CASK: variants seen among roughly 807,000 people sequenced by gnomAD.
CASK encodes the protein calcium/calmodulin dependent serine protein kinase.
Under a neutral mutation model 82.9 loss-of-function variants are expected in CASK, and 4 were observed. The observed-to-expected ratio is 0.05, with a 90% CI of 0.02 to 0.11. The LOEUF (loss-of-function observed/expected upper bound fraction) is 0.11. Ranked by LOEUF, CASK falls within the 10% of genes least tolerant of loss-of-function variation. The pLI, the probability that CASK is intolerant of heterozygous loss-of-function variation, is 1.00. For synonymous variants in CASK, 259 were observed against 253.5 expected (o/e 1.02, Z -0.20); for missense variants, 358 against 720.9 (o/e 0.50, Z 5.76).
intron 2 of CASK, among the ~76,000 whole-genome samples, chrX:41,852,729 T>C (rs758921846): frequency 9.0e-6 from 1 of 110,874 alleles, no homozygotes; most frequent in African/African-American, 3.3e-5. Flanking sequence ...GTGATGCATT[T>C]TGAGGTAACT....
Position 41,717,063 on chromosome X carries a change from C to T in CASK, c.429+22321G>A, listed in dbSNP as rs1236003726. ...CCTCCTGCCATAACAGCTCTTACCC[C>T]CAAAACTGCCCTTCCCGCCAGTGTA... On this transcript the variant is annotated intron_variant, in intron 5 of 26. Coordinates refer to ENST00000378163, the MANE Select transcript of CASK (RefSeq NM_001367721.1). Among the ~76,000 whole-genome samples, 11 of 110,250 alleles carry T rather than the reference C, an allele frequency of 1.0e-4. No homozygotes were observed. In the East Asian group the frequency reaches 2.3e-3, roughly 23 times the overall value.
In CASK at chrX:41,531,045, C is replaced by T. The variant is rs192044507; in HGVS notation, c.2482G>A (p.Glu828Lys). Residue 828 changes from glutamate to lysine, a missense_variant, in exon 25 of 27, where the codon GAG (glutamate) becomes AAG (lysine). Transcript: ENST00000378163. ...TCCAGTATTGCAATCAGCCCCTGCT[C>T]GTGGATCTTCCGGATGGTCTCCAGT... ...TKLETIRKIH[E>K]QGLIAILDVE... 4 of 1,211,752 alleles carry T rather than the reference C, an allele frequency of 3.3e-6. No homozygotes were observed. The highest frequency in any genetic ancestry group is 1.8e-5 in the South Asian group (1 of 57,002).
In CASK at chrX:41,561,703, T is replaced by C; in HGVS notation, c.1583-59A>G. The C allele has an allele frequency of 4.8e-6, 4 of 827,790 alleles. No homozygotes were observed. The East Asian group carries it at 1.3e-4, about 27-fold the overall frequency. 68.2% of individuals were successfully genotyped at this position (827,790 alleles called of 1,213,427 possible). A position where few individuals can be genotyped will look rare whatever the true frequency, so the allele number is the denominator to read the frequency against. On this transcript the variant is annotated intron_variant, in intron 16 of 26. Coordinates refer to ENST00000378163, the MANE Select transcript of CASK (RefSeq NM_001367721.1). ...GATATATGCTTTCATAGTAACAAAA[T>C]CCAGAGGCATCAATGTAATTTTTAA... is the stretch of plus-strand genomic sequence containing the variant.
intron 8 of CASK, among the ~76,000 whole-genome samples, chrX:41,648,640 C>T (rs183102251): frequency 1.6e-4 from 18 of 111,471 alleles, no homozygotes; most frequent in South Asian, 7.6e-4. Flanking sequence ...TGCCGGCCGA[C>T]GCTTAAGAAA....
chrX:41,899,870 A>G (rs2072336742), intron 1 of CASK, among the ~76,000 whole-genome samples: 1 of 111,212 alleles, frequency 9.0e-6, no homozygotes, highest in Middle Eastern at 4.2e-3. Flanking sequence ...TTACACTTTC[A>G]TATGTTTTCG....
intron 1 of CASK, among the ~76,000 whole-genome samples, chrX:41,854,380 A>G (rs1051674383): frequency 1.8e-5 from 2 of 112,254 alleles, no homozygotes; most frequent in Non-Finnish European, 3.8e-5. Context: ...AGAATGCAAT[A>G]GCAATGTGAT....
intron 5 of CASK, among the ~76,000 whole-genome samples, chrX:41,719,588 A>C (rs2068125911): frequency 8.9e-6 from 1 of 112,154 alleles, no homozygotes; most frequent in African/African-American, 3.2e-5. Context: ...TACTTCCTGC[A>C]GAAAGGGTAC....
At chrX:41,595,542 C>T (rs780931097) in intron 12 of CASK, among the ~76,000 whole-genome samples, 14 of 111,806 alleles carry the variant, frequency 1.3e-4, no homozygotes, top group Non-Finnish European at 2.4e-4. Flanking sequence ...GATGAGTGAG[C>T]TGTGATTGTG....
At chrX:41,638,829 G>C (rs2066600695) in intron 8 of CASK, among the ~76,000 whole-genome samples, 1 of 110,950 alleles carries the variant, frequency 9.0e-6, no homozygotes, top group Non-Finnish European at 1.9e-5. Context: ...AGCCAGTGGA[G>C]GGTCTTGAGC....
At chrX:41,852,515 A>C (rs919211092) in intron 2 of CASK, among the ~76,000 whole-genome samples, 2 of 111,755 alleles carry the variant, frequency 1.8e-5, no homozygotes, top group Non-Finnish European at 3.8e-5. Context: ...AAACAAAATA[A>C]AACTTTAAAA....
chrX:41,716,730 G>A (rs972353754), intron 5 of CASK, among the ~76,000 whole-genome samples: 6 of 111,541 alleles, frequency 5.4e-5, no homozygotes, highest in Admixed American at 9.5e-5. Flanking sequence ...ACTCCTAAGG[G>A]GTGGCTTGTG....
At chrX:41,780,508 C>T (rs751240012) in intron 3 of CASK, among the ~76,000 whole-genome samples, 5 of 111,559 alleles carry the variant, frequency 4.5e-5, no homozygotes, top group Admixed American at 9.5e-5. Flanking sequence ...AGTTTTATAC[C>T]GGATTTTCTA....
At chrX:41,910,025 C>T (rs2072535820) in intron 1 of CASK, among the ~76,000 whole-genome samples, 1 of 111,700 alleles carries the variant, frequency 9.0e-6, no homozygotes, top group South Asian at 3.7e-4. Context: ...AGTTTGAGAT[C>T]AGCCTGGCCA....
intron 5 of CASK, among the ~76,000 whole-genome samples, chrX:41,679,845 C>T (rs1294138737): frequency 8.9e-6 from 1 of 111,796 alleles, no homozygotes; most frequent in Non-Finnish European, 1.9e-5. Context: ...ATGTCCATTT[C>T]TTGCCCCAGA....
intron 8 of CASK, among the ~76,000 whole-genome samples, chrX:41,657,674 C>T (rs1260506531): frequency 1.8e-5 from 2 of 111,112 alleles, no homozygotes; most frequent in African/African-American, 6.6e-5. Flanking sequence ...AGGCACCTGC[C>T]ACCACACCCA....
chrX:41,623,554 C>T (rs1234106926), intron 10 of CASK, among the ~76,000 whole-genome samples: 4 of 110,759 alleles, frequency 3.6e-5, no homozygotes, highest in African/African-American at 9.9e-5. Context: ...GGATTACAGG[C>T]GCGTGGCCAT....
At chrX:41,753,194 GGT>G (rs1286936924) in intron 3 of CASK, among the ~76,000 whole-genome samples, 1 of 111,145 alleles carries the variant, frequency 9.0e-6, no homozygotes, top group Non-Finnish European at 1.9e-5. Flanking sequence ...ATTAAAATGG[GGT>G]GTTAAAGACT....
intron 3 of CASK, among the ~76,000 whole-genome samples, chrX:41,785,441 A>C (rs1188482015): frequency 8.9e-6 from 1 of 112,277 alleles, no homozygotes; most frequent in Non-Finnish European, 1.9e-5. Context: ...TGAATGGTCC[A>C]GGGTGAACGG....
intron 2 of CASK, among the ~76,000 whole-genome samples, chrX:41,806,559 T>C (rs913700934): frequency 1.8e-5 from 2 of 112,366 alleles, no homozygotes; most frequent in Non-Finnish European, 3.8e-5. Flanking sequence ...TGCTATGCAC[T>C]ACCCGTGACA....
Sources: allele counts gnomAD v4.1 joint callset (sites outside exome capture counted in the v4.1 genomes callset), GRCh38; gene constraint gnomAD v4.1.1; transcripts MANE v1.5; gene names NCBI Gene and HGNC (gene_info 2026-07-23, HGNC 2026-07-21).